The following PHF24 variants were observed in gnomAD, a reference collection of about 807,000 sequenced individuals.
PHF24 encodes the protein PHD finger protein 24, also known as Galpha inhibitory interacting protein.
In PHF24, 25 loss-of-function variants were observed where a neutral mutation model predicts 42.6. That is an observed-to-expected ratio of 0.59 (90% CI 0.43 to 0.82). The LOEUF is 0.82. Among genes scored for constraint, PHF24 ranks in the 40% least tolerant of loss-of-function variants. The probability of loss-of-function intolerance (pLI) is 0.00; values close to 1 mark genes in which losing one functional copy is unlikely to be tolerated. For missense variants in PHF24, 470 were observed against 538.1 expected, an observed-to-expected ratio of 0.87 and a Z score of 1.25; for synonymous variants, 185 against 204.8, an observed-to-expected ratio of 0.90 and a Z score of 0.83.
At chr9:34,977,343 G>A (rs1056430167) in intron 6 of PHF24, 100 bp downstream of exon 6, 15 of 1,408,340 alleles carry the variant, frequency 1.1e-5, no homozygotes, top group African/African-American at 1.4e-5. Flanking sequence ...GCCAACAGCC[G>A]AGAGAGGAGC....
the PHF24 span, among the ~76,000 whole-genome samples, chr9:34,718,468 G>A: frequency 3.3e-5 from 5 of 152,214 alleles, no homozygotes; most frequent in Admixed American, 6.5e-5. Flanking sequence ...TGCCTGCTTT[G>A]TGCTTACCTC....
At chr9:34,964,804 G>A (rs1826712125) in intron 1 of PHF24, among the ~76,000 whole-genome samples, 1 of 152,094 alleles carries the variant, frequency 6.6e-6, no homozygotes, top group Admixed American at 6.6e-5. Flanking sequence ...AAGTCAGACG[G>A]CCCTATTCCA....
the PHF24 span, among the ~76,000 whole-genome samples, chr9:34,933,004 T>TC: frequency 1.0e-5 from 1 of 97,644 alleles, no homozygotes. Context: ...TTTTTTTTTT[T>TC]CAAAGAGACA....
the PHF24 span, among the ~76,000 whole-genome samples, chr9:34,763,415 CCCT>C: frequency 6.6e-6 from 1 of 152,152 alleles, no homozygotes; most frequent in South Asian, 2.1e-4. Flanking sequence ...TCCTTCACAT[CCCT>C]TGTAAGTTAG....
the PHF24 span, among the ~76,000 whole-genome samples, chr9:34,699,833 T>C: frequency 6.6e-6 from 1 of 152,234 alleles, no homozygotes; most frequent in South Asian, 2.1e-4. Context: ...AGAGTTGTTA[T>C]GCTAATGAAA....
the PHF24 span, among the ~76,000 whole-genome samples, chr9:34,774,984 G>A: frequency 6.6e-6 from 1 of 152,056 alleles, no homozygotes; most frequent in Non-Finnish European, 1.5e-5. Flanking sequence ...ACAGTTGTTG[G>A]GGAAAACAGT....
At chr9:34,832,290 A>C in the PHF24 span, 1 of 577,240 alleles carries the variant, frequency 1.7e-6, no homozygotes, top group Admixed American at 2.9e-5. Context: ...ACTGAGGGTT[A>C]GGAGCTAGGG....
the PHF24 span, among the ~76,000 whole-genome samples, chr9:34,693,726 T>C: frequency 6.6e-6 from 1 of 152,168 alleles, no homozygotes; most frequent in African/African-American, 2.4e-5. Flanking sequence ...TGAAATCTGA[T>C]GAAAAGTATG....
the PHF24 span, among the ~76,000 whole-genome samples, chr9:34,746,532 TAAGAG>T: frequency 6.6e-6 from 1 of 152,178 alleles, no homozygotes; most frequent in Non-Finnish European, 1.5e-5. Flanking sequence ...CAATTCACAT[TAAGAG>T]AATTAGGAAT....
chr9:34,694,720 C>G, the PHF24 span, among the ~76,000 whole-genome samples: 1 of 152,018 alleles, frequency 6.6e-6, no homozygotes, highest in Admixed American at 6.6e-5. Context: ...CCACCCGCCT[C>G]GGCCTCCCAA....
the PHF24 span, chr9:34,690,102 A>T: frequency 1.3e-6 from 2 of 1,588,870 alleles, no homozygotes. Context: ...TGTTTCAGGG[A>T]TTTCCTTGAA....
At chr9:34,930,524 C>T in the PHF24 span, among the ~76,000 whole-genome samples, 13 of 152,204 alleles carry the variant, frequency 8.5e-5, no homozygotes, top group Non-Finnish European at 1.5e-4. Context: ...GGGATATGTC[C>T]GGAAAGGGCT....
At chr9:34,970,546 T>C (rs768371356) in intron 1 of PHF24, among the ~76,000 whole-genome samples, 13 of 152,332 alleles carry the variant, frequency 8.5e-5, no homozygotes, top group African/African-American at 1.4e-4. Context: ...AGGAGTCCTC[T>C]AAAACTAGGA....
chr9:34,967,628 G>C (rs571049346), intron 1 of PHF24, among the ~76,000 whole-genome samples: 1 of 152,298 alleles, frequency 6.6e-6, no homozygotes, highest in African/African-American at 2.4e-5. Context: ...CTCTGTCACT[G>C]TAAGTTGGGG....
chr9:34,796,422 T>TTA, the PHF24 span, among the ~76,000 whole-genome samples: 1,360 of 150,908 alleles, frequency 9.0e-3, 13 homozygotes, highest in South Asian at 0.016. Context: ...TTAAAAAATT[T>TTA]AAAAAAAAAC....
the PHF24 span, chr9:34,723,462 G>A: frequency 3.9e-6 from 6 of 1,551,762 alleles, no homozygotes; most frequent in South Asian, 7.1e-5. Context: ...CTCCCCACAG[G>A]GCTCTTGGCT....
chr9:34,896,579 A>C, the PHF24 span, among the ~76,000 whole-genome samples: 1 of 152,160 alleles, frequency 6.6e-6, no homozygotes, highest in Non-Finnish European at 1.5e-5. Context: ...AAAACTTTCG[A>C]TTAAGGTTCA....
At chr9:34,820,196 C>A in the PHF24 span, among the ~76,000 whole-genome samples, 2 of 150,558 alleles carry the variant, frequency 1.3e-5, no homozygotes, top group Non-Finnish European at 3.0e-5. Context: ...TTTAAACTTA[C>A]TTGTGTCTTT....
At chr9:34,925,572 G>A in the PHF24 span, among the ~76,000 whole-genome samples, 1 of 151,916 alleles carries the variant, frequency 6.6e-6, no homozygotes, top group Non-Finnish European at 1.5e-5. Context: ...TATTGAAGTT[G>A]TGGATTGTAT....
Sources: allele counts gnomAD v4.1 joint callset (sites outside exome capture counted in the v4.1 genomes callset), GRCh38; gene constraint gnomAD v4.1.1; transcripts MANE v1.5; gene names NCBI Gene and HGNC (gene_info 2026-07-23, HGNC 2026-07-21).